The following CSMD2 variants were observed in gnomAD, a reference collection of about 807,000 sequenced individuals.
CSMD2 encodes the protein CUB and Sushi multiple domains 2, also known as CUB and sushi domain-containing protein 2.
A neutral mutation model predicts 398.5 loss-of-function variants in CSMD2; 130 were observed. The ratio of observed to expected loss-of-function variants is 0.33; its 90% confidence interval spans 0.28 to 0.38. The LOEUF is 0.38. Ranked by LOEUF, CSMD2 falls within the 10% of genes least tolerant of loss-of-function variation. The probability of loss-of-function intolerance (pLI) is 1.00; values close to 1 mark genes in which losing one functional copy is unlikely to be tolerated. For synonymous variants in CSMD2, 1,828 were observed against 1,908.5 expected (o/e 0.96, Z 1.10); for missense variants, 3,829 against 4,764.9 (o/e 0.80, Z 5.78).
chr1:33,826,493 T>TTAGCC (rs1658838083), intron 6 of CSMD2, among the ~76,000 whole-genome samples: 1 of 152,128 alleles, frequency 6.6e-6, no homozygotes, highest in Non-Finnish European at 1.5e-5. Context: ...GAAGAGGGAA[T>TTAGCC]TAGCCAAGCC....
intron 1 of CSMD2, among the ~76,000 whole-genome samples, chr1:34,108,738 G>A (rs1006540897): frequency 2.0e-5 from 3 of 152,110 alleles, no homozygotes. Context: ...GAGCACTGCA[G>A]CTCCATTCAG....
intron 10 of CSMD2, among the ~76,000 whole-genome samples, chr1:33,797,363 T>C (rs754716211): frequency 2.0e-5 from 3 of 152,362 alleles, no homozygotes; most frequent in East Asian, 1.9e-4. Flanking sequence ...CTGACACTTA[T>C]GGAAAATAGA....
chr1:33,550,040 C>G (rs1657285151), intron 56 of CSMD2, 137 bp downstream of exon 56: 6 of 816,446 alleles, frequency 7.3e-6, no homozygotes, highest in Middle Eastern at 3.8e-4. Context: ...GTGCTTTCTA[C>G]CTGTTAGGGT....
At chr1:34,114,374 AC>A (rs1428558074) in intron 1 of CSMD2, among the ~76,000 whole-genome samples, 11 of 151,534 alleles carry the variant, frequency 7.3e-5, no homozygotes, top group African/African-American at 2.7e-4. Context: ...AAAAAAAAAA[AC>A]GAAAAACAAG....
At position 33,617,435 on chromosome 1, in the gene CSMD2, T is replaced by C. The variant is rs558777102; in HGVS notation, c.5946+64A>G. 90 of 1,270,972 alleles carry C rather than the reference T, an allele frequency of 7.1e-5. No homozygotes were observed. In the African/African-American group the frequency reaches 1.2e-3, roughly 16 times the overall value. The allele number at this position is 1,270,972 out of a possible 1,614,324, so 78.7% of individuals were successfully genotyped here. A position where few individuals can be genotyped will look rare whatever the true frequency, so the allele number is the denominator to read the frequency against. On this transcript the variant is annotated intron_variant, in intron 38 of 70. Coordinates refer to ENST00000373381, the MANE Select transcript of CSMD2 (RefSeq NM_001281956.2). ...TTTGGTGACTGTAGCTCTGCTGGTG[T>C]AAGGCTGGCCAACCACATCTCAGGG... is the stretch of plus-strand genomic sequence containing the variant.
chr1:33,797,521 C>A (rs560914440), intron 10 of CSMD2, among the ~76,000 whole-genome samples: 1 of 152,306 alleles, frequency 6.6e-6, no homozygotes, highest in East Asian at 1.9e-4. Context: ...AGAGCTGGGA[C>A]TCCCACCAGG....
intron 2 of CSMD2, among the ~76,000 whole-genome samples, chr1:34,046,276 A>G (rs1197423224): frequency 6.6e-6 from 1 of 152,248 alleles, no homozygotes; most frequent in Admixed American, 6.5e-5. Flanking sequence ...ACCATTAGCA[A>G]TCAATTGTTA....
chr1:33,896,667 A>G (rs544374299), intron 5 of CSMD2, among the ~76,000 whole-genome samples: 97 of 152,230 alleles, frequency 6.4e-4, no homozygotes, highest in African/African-American at 2.1e-3. Flanking sequence ...CAGGCTCCCT[A>G]TGAGCTAGGC....
At chr1:34,076,369 C>T (rs1029491004) in intron 2 of CSMD2, among the ~76,000 whole-genome samples, 2 of 152,238 alleles carry the variant, frequency 1.3e-5, no homozygotes, top group African/African-American at 2.4e-5. Context: ...CAATCCACCT[C>T]ACGGTTTTTC....
At chr1:33,893,224 G>A (rs1460128421) in intron 5 of CSMD2, among the ~76,000 whole-genome samples, 2 of 152,124 alleles carry the variant, frequency 1.3e-5, no homozygotes, top group Non-Finnish European at 2.9e-5. Context: ...AAAGGAGGGG[G>A]AGTGGCTATC....
At chr1:33,823,566 C>T (rs1045341782) in intron 7 of CSMD2, among the ~76,000 whole-genome samples, 3 of 152,122 alleles carry the variant, frequency 2.0e-5, no homozygotes, top group African/African-American at 7.2e-5. Flanking sequence ...GAAGGCACCA[C>T]CTTCTACCCA....
intron 44 of CSMD2, among the ~76,000 whole-genome samples, chr1:33,588,557 T>C (rs1354036644): frequency 6.6e-6 from 1 of 152,214 alleles, no homozygotes; most frequent in Non-Finnish European, 1.5e-5. Flanking sequence ...TTATACTGTG[T>C]TGTACTTCAA....
At chr1:34,126,562 G>C (rs373916312) in intron 1 of CSMD2, among the ~76,000 whole-genome samples, 1 of 150,920 alleles carries the variant, frequency 6.6e-6, no homozygotes, top group East Asian at 2.0e-4. Flanking sequence ...CTCCCATTTT[G>C]CTTCAAAATC....
At chr1:33,771,540 C>T (rs939821869) in intron 13 of CSMD2, among the ~76,000 whole-genome samples, 1 of 151,196 alleles carries the variant, frequency 6.6e-6, no homozygotes, top group East Asian at 1.9e-4. Flanking sequence ...CTTTGTTGGA[C>T]AACGTGATTT....
In CSMD2 at chr1:33,533,014, C is replaced by T; in HGVS notation, c.10171+36G>A. 1.3e-6 allele frequency: 2 copies of T among 1,554,458 alleles called. No individual in the cohort carries two copies. The highest frequency in any genetic ancestry group is 1.2e-5 in the South Asian group (1 of 85,584). ...AAGTTCAGCCAGCACTTTCAGCCTC[C>T]CGCCCTGGAGAGCTTCCCCGAGCAG... On this transcript the variant is annotated intron_variant, in intron 64 of 70. Coordinates refer to ENST00000373381, the MANE Select transcript of CSMD2 (RefSeq NM_001281956.2). The surrounding 1 kb of genome is among the most constrained non-coding windows in gnomAD (Gnocchi z 4.2).
At position 33,581,913 on chromosome 1, in the gene CSMD2, G is replaced by A. The variant is rs1570814545; in HGVS notation, c.7241-1014C>T. Among the ~76,000 whole-genome samples, 6 of 152,286 alleles carry A rather than the reference G, an allele frequency of 3.9e-5. No homozygotes were observed. The South Asian group carries it at 1.2e-3, about 32-fold the overall frequency. ...CATATTAAACAAAGTAGAGTCACCA[G>A]AACTGCCATGCAAACTGTGAAGGGA... On this transcript the variant is annotated intron_variant, in intron 47 of 70. Transcript: ENST00000373381.
chr1:33,663,118 C>A lies in CSMD2; in HGVS notation c.4053-26G>T. ...CTGCACGGAGAGAAGAGGCAGTGGT[C>A]ATCTGGACTCAGCCCTTCTTTCCAG... is the stretch of plus-strand genomic sequence containing the variant. On this transcript the variant is annotated intron_variant, in intron 25 of 70. Transcript: ENST00000373381. 3 of 1,595,688 alleles carry A rather than the reference C, an allele frequency of 1.9e-6. No homozygotes were observed. In the South Asian group the frequency reaches 3.3e-5, roughly 18 times the overall value.
intron 10 of CSMD2, among the ~76,000 whole-genome samples, chr1:33,802,639 C>T (rs1485343601): frequency 6.6e-6 from 1 of 152,172 alleles, no homozygotes; most frequent in Non-Finnish European, 1.5e-5. Flanking sequence ...CATTCCATGA[C>T]TATGAGGAGA....
intron 10 of CSMD2, among the ~76,000 whole-genome samples, chr1:33,793,173 G>A (rs1332149325): frequency 6.6e-6 from 1 of 152,204 alleles, no homozygotes; most frequent in Non-Finnish European, 1.5e-5. Context: ...ACAGCACTGG[G>A]GTGGGATGGA....
Sources: allele counts gnomAD v4.1 joint callset (sites outside exome capture counted in the v4.1 genomes callset), GRCh38; gene constraint gnomAD v4.1.1; non-coding constraint Gnocchi (gnomAD v3.1); transcripts MANE v1.5; gene names NCBI Gene and HGNC (gene_info 2026-07-23, HGNC 2026-07-21).